The following DAPK2 variants were observed in gnomAD, a reference collection of about 807,000 sequenced individuals.
DAPK2 encodes the protein death associated protein kinase 2.
Under a neutral mutation model 44.1 loss-of-function variants are expected in DAPK2, and 35 were observed. The ratio of observed to expected loss-of-function variants is 0.79; its 90% CI spans 0.61 to 1.05. DAPK2 has a LOEUF of 1.05. Among genes scored for constraint, DAPK2 ranks in the 50% least tolerant of loss-of-function variants. DAPK2 has a pLI of 0.00. For synonymous variants in DAPK2, 174 were observed against 182.6 expected, an observed-to-expected ratio of 0.95 and a Z score of 0.38; for missense variants, 453 against 483.2, an observed-to-expected ratio of 0.94 and a Z score of 0.59.
intron 4 of DAPK2, among the ~76,000 whole-genome samples, chr15:63,931,447 G>A (rs761245459): frequency 6.6e-6 from 1 of 152,188 alleles, no homozygotes; most frequent in African/African-American, 2.4e-5. Flanking sequence ...CGGCTATGTG[G>A]CCTGCTTTAG....
intron 10 of DAPK2, chr15:63,909,561 G>C (rs1474566101): frequency 6.6e-6 from 1 of 152,176 alleles, no homozygotes; most frequent in Non-Finnish European, 1.5e-5. Context: ...CAGCACTTTG[G>C]GAGGCCGAGG....
chr15:63,910,468 G>T (rs1449100114), intron 10 of DAPK2, among the ~76,000 whole-genome samples: 1 of 152,236 alleles, frequency 6.6e-6, no homozygotes, highest in Non-Finnish European at 1.5e-5. Context: ...CATAAGCGGG[G>T]GGAGGGGCTG....
At chr15:63,981,127 C>T (rs2078498713) in intron 2 of DAPK2, among the ~76,000 whole-genome samples, 1 of 151,542 alleles carries the variant, frequency 6.6e-6, no homozygotes, top group South Asian at 2.1e-4. Flanking sequence ...GTTATGAGGG[C>T]TCTGTCCTTA....
chr15:63,935,204 C>T lies in DAPK2; in HGVS notation c.583+4028G>A, dbSNP rs111437339. On this transcript the variant is annotated intron_variant, in intron 4 of 10. Transcript: ENST00000261891. The stretch of plus-strand genomic sequence containing the variant: ...CTCCTGGGTTGAAGTGATCCTCCCG[C>T]CTTAGCCTCCCAAGTTGCTGGGATT... Among the ~76,000 whole-genome samples the T allele has an allele frequency of 6.2e-3, 949 of 151,864 alleles. 10 individuals carry two copies. The highest frequency in any genetic ancestry group is 0.022 in the African/African-American group (915 of 41,380).
At chr15:63,984,121 G>A (rs1285895181) in intron 1 of DAPK2, among the ~76,000 whole-genome samples, 1 of 152,168 alleles carries the variant, frequency 6.6e-6, no homozygotes, top group Non-Finnish European at 1.5e-5. Context: ...AAGCAGACTG[G>A]GCTGGTGGGG....
chr15:63,989,188 CAAAAAAAAAAA>C (rs55972299), intron 1 of DAPK2, among the ~76,000 whole-genome samples: 1 of 109,840 alleles, frequency 9.1e-6, no homozygotes, highest in African/African-American at 3.8e-5. Flanking sequence ...ACTTTGTCTC[CAAAAAAAAAAA>C]AAAAAAAAAA....
chr15:63,953,556 A>G (rs554118700), intron 3 of DAPK2, among the ~76,000 whole-genome samples: 1 of 152,326 alleles, frequency 6.6e-6, no homozygotes, highest in African/African-American at 2.4e-5. Flanking sequence ...ATTCTTGGCA[A>G]TTGTGAACAG....
intron 3 of DAPK2, among the ~76,000 whole-genome samples, chr15:63,961,652 G>A (rs185034733): frequency 3.3e-4 from 51 of 152,290 alleles, no homozygotes; most frequent in South Asian, 4.1e-4. Flanking sequence ...TTTTCTTTAA[G>A]AATGTTGAAT....
intron 3 of DAPK2, among the ~76,000 whole-genome samples, chr15:63,959,431 C>T (rs551935472): frequency 6.6e-6 from 1 of 152,256 alleles, no homozygotes; most frequent in South Asian, 2.1e-4. Context: ...CTGTCTTGTG[C>T]CAGTTTTCAA....
At chr15:63,991,031 C>A (rs1482662259) in intron 1 of DAPK2, among the ~76,000 whole-genome samples, 1 of 152,154 alleles carries the variant, frequency 6.6e-6, no homozygotes, top group Non-Finnish European at 1.5e-5. Context: ...ATCCATCTTC[C>A]AGCCAGGCCA....
At chr15:63,935,116 G>A (rs959597654) in intron 4 of DAPK2, among the ~76,000 whole-genome samples, 7 of 129,054 alleles carry the variant, frequency 5.4e-5, no homozygotes, top group East Asian at 2.7e-4. Flanking sequence ...CCTGATACAC[G>A]GTCTCACTCT....
At chr15:63,983,450 C>A (rs1040016928) in intron 2 of DAPK2, 83 bp downstream of exon 3, 2 of 1,344,026 alleles carry the variant, frequency 1.5e-6, no homozygotes. Flanking sequence ...GCTGCTGCCC[C>A]CTGGGGCCTG....
At chr15:64,029,206 C>T (rs1482860814) in intron 1 of DAPK2, among the ~76,000 whole-genome samples, 1 of 151,374 alleles carries the variant, frequency 6.6e-6, no homozygotes, top group African/African-American at 2.4e-5. Context: ...TTAGGGCAAG[C>T]GATTTGCACT....
At chr15:63,952,108 C>A (rs2077604470) in intron 3 of DAPK2, among the ~76,000 whole-genome samples, 1 of 152,090 alleles carries the variant, frequency 6.6e-6, no homozygotes, top group South Asian at 2.1e-4. Context: ...GGCGTGGTGA[C>A]AGATGCCTGT....
At chr15:64,041,027 T>C (rs371170387), upstream of DAPK2, among the ~76,000 whole-genome samples, 15 of 151,778 alleles carry the variant, frequency 9.9e-5, no homozygotes, top group East Asian at 1.6e-3. Context: ...ATGGGGCTAA[T>C]ACTGTAAAAT....
intron 2 of DAPK2, among the ~76,000 whole-genome samples, chr15:63,972,262 G>A (rs1435293083): frequency 6.6e-6 from 1 of 152,194 alleles, no homozygotes; most frequent in East Asian, 1.9e-4. Flanking sequence ...ACCAAGTGTG[G>A]AGTGCTACTG....
At chr15:64,018,935 G>A (rs551680763) in intron 1 of DAPK2, among the ~76,000 whole-genome samples, 6 of 152,342 alleles carry the variant, frequency 3.9e-5, no homozygotes, top group African/African-American at 7.2e-5. Context: ...ATTTAGAGAA[G>A]TGACTTCTCC....
chr15:63,923,061 C>T lies in DAPK2; in HGVS notation c.858+1755G>A, dbSNP rs553108957. On this transcript the variant is annotated intron_variant, in intron 8 of 10. Coordinates refer to ENST00000261891, the Ensembl canonical transcript of DAPK2. This position sits in a 1 kb window ranked among gnomAD's most constrained non-coding sequence, Gnocchi z 4.2. ...CTGAGCTGGGACAGGTCATGCCGGG[C>T]GCTCTCATTCTCCTCTCGGTACCAA... 1.9e-4 allele frequency: 297 copies of T among 1,535,826 alleles called. No individual in the cohort carries two copies. The African/African-American group carries it at 3.4e-3, about 17-fold the overall frequency.
chr15:63,941,654 A>G (rs1003722513), intron 3 of DAPK2, among the ~76,000 whole-genome samples: 1 of 136,160 alleles, frequency 7.3e-6, no homozygotes, highest in African/African-American at 2.6e-5. Context: ...TAAATAACAC[A>G]TTTCCTTTTG....
Sources: allele counts gnomAD v4.1 joint callset (sites outside exome capture counted in the v4.1 genomes callset), GRCh38; gene constraint gnomAD v4.1.1; non-coding constraint Gnocchi (gnomAD v3.1); transcripts MANE v1.5; gene names NCBI Gene and HGNC (gene_info 2026-07-23, HGNC 2026-07-21).